Variants in TESK2 observed in about 807,000 individuals in gnomAD.
The protein encoded by TESK2 is testis associated actin remodelling kinase 2.
Under a neutral mutation model 57.1 loss-of-function variants are expected in TESK2, and 39 were observed. The observed-to-expected ratio is 0.68, with a 90% CI of 0.53 to 0.89. TESK2 has a LOEUF of 0.89. Among genes scored for constraint, TESK2 ranks in the 40% least tolerant of loss-of-function variants. The pLI, the probability that TESK2 is intolerant of heterozygous loss-of-function variation, is 0.00. For missense variants in TESK2, 646 were observed against 732.1 expected (o/e 0.88, Z 1.36); for synonymous variants, 249 against 267.9 (o/e 0.93, Z 0.69).
intron 1 of TESK2, among the ~76,000 whole-genome samples, chr1:45,469,058 G>A (rs896866637): frequency 4.0e-5 from 6 of 151,882 alleles, no homozygotes; most frequent in African/African-American, 1.5e-4. Context: ...TACATAGGTA[G>A]GTTTGTTTTT....
chr1:45,421,861 A>G lies in TESK2; in HGVS notation c.223-15T>C. On this transcript the variant is annotated splice_polypyrimidine_tract_variant and intron_variant, in intron 2 of 10. Coordinates refer to ENST00000372086, the MANE Select transcript of TESK2 (RefSeq NM_007170.3). Reference sequence around the variant, plus strand: ...CGGTGTCGTACCTAGAATATTAAATAGAACAAGAAAAGAGGGTCAAGGGCA... The same window carrying G: ...CGGTGTCGTACCTAGAATATTAAATGGAACAAGAAAAGAGGGTCAAGGGCA... The G allele has an allele frequency of 6.2e-7, 1 of 1,613,548 alleles. No individual in the cohort carries two copies. Among genetic ancestry groups the G allele is most frequent in the Non-Finnish European group, 8.5e-7 (1 of 1,179,880 alleles).
chr1:45,416,107 A>C (rs1477465788), intron 3 of TESK2, among the ~76,000 whole-genome samples: 1 of 118,454 alleles, frequency 8.4e-6, no homozygotes, highest in Non-Finnish European at 1.7e-5. Flanking sequence ...TTTTGAGACA[A>C]GCTCTGGCTG....
At chr1:45,346,015 C>T (rs1240375953) in intron 9 of TESK2, 21 bp from the exon 10 acceptor site, 1 of 1,572,030 alleles carries the variant, frequency 6.4e-7, no homozygotes, top group African/African-American at 1.3e-5. Context: ...CCACAACAGC[C>T]ATGAGCTCTG....
intron 1 of TESK2, among the ~76,000 whole-genome samples, chr1:45,466,179 A>C (rs1191291772): frequency 6.6e-6 from 1 of 152,026 alleles, no homozygotes; most frequent in African/African-American, 2.4e-5. Flanking sequence ...TAATCTCTAC[A>C]AAAAATACAA....
chr1:45,382,793 C>T (rs1469025173), intron 4 of TESK2, among the ~76,000 whole-genome samples: 1 of 152,098 alleles, frequency 6.6e-6, no homozygotes, highest in Non-Finnish European at 1.5e-5. Flanking sequence ...TTGCTTGAAT[C>T]TGGGAGGTGG....
intron 3 of TESK2, among the ~76,000 whole-genome samples, chr1:45,417,109 C>T (rs1292338778): frequency 1.3e-5 from 2 of 152,084 alleles, no homozygotes; most frequent in African/African-American, 4.8e-5. Context: ...TCTATGAGAT[C>T]GACTTTTTTA....
At chr1:45,428,946 C>A (rs540844020) in intron 2 of TESK2, among the ~76,000 whole-genome samples, 7 of 150,432 alleles carry the variant, frequency 4.7e-5, no homozygotes, top group Admixed American at 6.6e-5. Flanking sequence ...CTCAGCCTCC[C>A]AAGTATCTGG....
chr1:45,346,844 T>A, intron 8 of TESK2, 65 bp from the exon 9 acceptor site: 1 of 1,554,388 alleles, frequency 6.4e-7, no homozygotes, highest in Non-Finnish European at 8.9e-7. Flanking sequence ...CCTAGCCTGC[T>A]CAGTAGAAGT....
chr1:45,490,572 A>G (rs1180694590), intron 1 of TESK2, among the ~76,000 whole-genome samples: 2 of 152,168 alleles, frequency 1.3e-5, no homozygotes, highest in African/African-American at 4.8e-5. Flanking sequence ...AGAAAACGAA[A>G]GATCCCTAAT....
intron 1 of TESK2, among the ~76,000 whole-genome samples, chr1:45,465,573 G>T (rs1391894207): frequency 1.3e-5 from 2 of 152,182 alleles, no homozygotes; most frequent in Non-Finnish European, 2.9e-5. Flanking sequence ...GAGCTGCTTT[G>T]GTAGGAGTCT....
At chr1:45,361,097 C>T (rs1358118091) in intron 4 of TESK2, among the ~76,000 whole-genome samples, 4 of 152,176 alleles carry the variant, frequency 2.6e-5, no homozygotes, top group Admixed American at 2.0e-4. Context: ...GGATTACAGG[C>T]GTGAGCTACC....
chr1:45,374,609 C>A (rs1298750338), intron 4 of TESK2, among the ~76,000 whole-genome samples: 1 of 151,968 alleles, frequency 6.6e-6, no homozygotes, highest in East Asian at 1.9e-4. Flanking sequence ...GGAGATAATA[C>A]AGCAGTTGAA....
intron 2 of TESK2, among the ~76,000 whole-genome samples, chr1:45,430,627 C>T (rs72894327): frequency 0.05 from 7,563 of 152,210 alleles, 665 homozygotes; most frequent in African/African-American, 0.17. Context: ...TGAGAGAGCA[C>T]TTGATGATGA....
chr1:45,438,302 C>T (rs557247351), intron 2 of TESK2, among the ~76,000 whole-genome samples: 2 of 152,210 alleles, frequency 1.3e-5, no homozygotes, highest in African/African-American at 4.8e-5. Flanking sequence ...TCGAGACCAA[C>T]CTGGCCAACA....
intron 3 of TESK2, among the ~76,000 whole-genome samples, chr1:45,420,214 C>T (rs1017910806): frequency 3.9e-5 from 6 of 152,206 alleles, no homozygotes; most frequent in Non-Finnish European, 7.4e-5. Context: ...GAGACCTTAT[C>T]TCATTTAAGA....
chr1:45,352,141 C>T (rs1647248286), intron 5 of TESK2, among the ~76,000 whole-genome samples: 1 of 152,140 alleles, frequency 6.6e-6, no homozygotes, highest in African/African-American at 2.4e-5. Context: ...CAGTCTGGTT[C>T]ATAAGACTCA....
intron 4 of TESK2, among the ~76,000 whole-genome samples, chr1:45,361,761 A>G (rs574035633): frequency 1.3e-5 from 2 of 152,322 alleles, no homozygotes; most frequent in East Asian, 1.9e-4. Context: ...TCAGTTCTCC[A>G]CTCAGGAATA....
intron 4 of TESK2, among the ~76,000 whole-genome samples, chr1:45,356,137 A>G (rs567657337): frequency 1.3e-5 from 2 of 152,310 alleles, no homozygotes; most frequent in East Asian, 3.9e-4. Flanking sequence ...AGAGCAGGGC[A>G]TCTGAATCAT....
chr1:45,452,049 T>G (rs1486697659), intron 2 of TESK2, among the ~76,000 whole-genome samples: 1 of 105,222 alleles, frequency 9.5e-6, no homozygotes, highest in South Asian at 2.8e-4. Flanking sequence ...AAAAAAAAAT[T>G]TATTTGGTAT....
Sources: allele counts gnomAD v4.1 joint callset (sites outside exome capture counted in the v4.1 genomes callset), GRCh38; gene constraint gnomAD v4.1.1; transcripts MANE v1.5; gene names NCBI Gene and HGNC (gene_info 2026-07-23, HGNC 2026-07-21).